TMEM243: variants seen among roughly 807,000 people sequenced by gnomAD.
The protein encoded by TMEM243 is MDR1 and mitochondrial taxol resistance associated.
TMEM243 carries 20 observed loss-of-function variants against 15.0 expected under a neutral mutation model. That is an observed-to-expected ratio of 1.33 (90% CI 0.94 to 1.93). The LOEUF (loss-of-function observed/expected upper bound fraction) is 1.93. Among genes scored for constraint, TMEM243 ranks in the 30% most tolerant of loss-of-function variants. The probability of loss-of-function intolerance (pLI) is 0.00; values close to 1 mark genes in which losing one functional copy is unlikely to be tolerated. For synonymous variants in TMEM243, 72 were observed against 52.7 expected (o/e 1.37, Z -1.59); for missense variants, 156 against 142.1 (o/e 1.10, Z -0.50).
At position 87,219,436 on chromosome 7, in the gene TMEM243, G is replaced by A. The variant is rs953760052; in HGVS notation, c.68C>T (p.Thr23Met). The stretch of plus-strand genomic sequence containing the variant: ...ACAATCCGCACTCACCTTGGCGGAC[G>A]TCTCCCCAAACAGAGGTCTGTTGTC... The part of the protein sequence containing the change: ...GLDNRPLFGE[T>M]SAKDRIINLV... The change falls in exon 1 of 4, where the codon ACG becomes ATG. Residue 23 changes from threonine to methionine, a missense_variant. Physicochemically the swap from Thr to Met is moderately conservative, Grantham distance 81. Coordinates refer to ENST00000257637, the MANE Select transcript of TMEM243 (RefSeq NM_024315.4). 6.8e-6 allele frequency: 11 copies of A among 1,614,074 alleles called. No homozygotes were observed. The highest frequency in any genetic ancestry group is 8.5e-6 in the Non-Finnish European group (10 of 1,180,012).
chr7:87,199,464 CTG>C (rs561056052), intron 1 of TMEM243: 178 of 165,708 alleles, frequency 1.1e-3, no homozygotes, highest in African/African-American at 4.2e-3. Context: ...CATGATGTGT[CTG>C]GAACTATATT....
At chr7:87,199,973 C>T (rs991619597) in intron 1 of TMEM243, among the ~76,000 whole-genome samples, 2 of 152,120 alleles carry the variant, frequency 1.3e-5, no homozygotes, top group African/African-American at 4.8e-5. Flanking sequence ...TGATAATGGT[C>T]TGAGCAGAGA....
chr7:87,196,799 A>G, intron 3 of TMEM243, 41 bp from the exon 4 acceptor site: 2 of 1,394,266 alleles, frequency 1.4e-6, no homozygotes, highest in South Asian at 1.3e-5. Flanking sequence ...AATTTGAAAT[A>G]TAACATTTTC....
chr7:87,215,430 T>C (rs1803035440), intron 1 of TMEM243, among the ~76,000 whole-genome samples: 2 of 152,188 alleles, frequency 1.3e-5, no homozygotes, highest in Non-Finnish European at 2.9e-5. Flanking sequence ...ATATTGATTA[T>C]ATGTTGAAAT....
chr7:87,197,211 T>C (rs1801360502), intron 3 of TMEM243, among the ~76,000 whole-genome samples: 1 of 152,114 alleles, frequency 6.6e-6, no homozygotes, highest in African/African-American at 2.4e-5. Flanking sequence ...CAAAGTGGGA[T>C]GGGCTAGTTC....
chr7:87,198,087 A>T, intron 2 of TMEM243, 42 bp from the exon 3 acceptor site: 1 of 1,526,304 alleles, frequency 6.6e-7, no homozygotes. Flanking sequence ...CAGTAATTCC[A>T]AGACTTGGTA....
chr7:87,219,296 G>A (rs1803321911), intron 1 of TMEM243, 130 bp downstream of exon 1: 3 of 802,620 alleles, frequency 3.7e-6, no homozygotes, highest in Admixed American at 4.5e-5. Flanking sequence ...AGAGGGAAGT[G>A]GGATTGCAGA....
intron 1 of TMEM243, 118 bp from the exon 2 acceptor site, chr7:87,199,175 G>A: frequency 1.4e-6 from 1 of 736,472 alleles, no homozygotes; most frequent in South Asian, 2.1e-5. Context: ...AGTCCTCTGA[G>A]CTTTACACAT....
rs541259988 is a variant in TMEM243 at position 87,199,192 on chromosome 7, A to G, written c.79-135T>C. On this transcript the variant is annotated intron_variant, in intron 1 of 3. Coordinates refer to ENST00000257637, the MANE Select transcript of TMEM243 (RefSeq NM_024315.4). The stretch of plus-strand genomic sequence containing the variant: ...TCCTCTGAGCTTTACACATAAAACT[A>G]CCAGACAAAGCAAAGTGTACTGAAC... The G allele has an allele frequency of 1.3e-4, 86 of 654,468 alleles. 1 individual carries two copies. Among genetic ancestry groups the G allele is most frequent in the South Asian group, 1.9e-4 (8 of 42,238 alleles). The allele number at this position is 654,468 out of a possible 1,614,324, so 40.5% of individuals were successfully genotyped here. A position where few individuals can be genotyped will look rare whatever the true frequency, so the allele number is the denominator to read the frequency against.
At position 87,197,992 on chromosome 7, in the gene TMEM243, A is replaced by G. The variant is rs751211020; in HGVS notation, c.183T>C (p.Asn61=). 2 of 1,612,890 alleles carry G rather than the reference A, an allele frequency of 1.2e-6. No homozygotes were observed. Among genetic ancestry groups the G allele is most frequent in the East Asian group, 2.2e-5 (1 of 44,800 alleles). The change falls in exon 3 of 4, where the codon AAT becomes AAC. Residue 61 remains asparagine (N), a synonymous_variant. Transcript: ENST00000257637. ...VFPQLPPKPL[N]IFFAVCISLS... ...AAGAGATGCAGACAGCAAAGAATAT[A>G]TTCAACGGTTTTGGAGGTAGTTGAG... is the stretch of plus-strand genomic sequence containing the variant.
intron 1 of TMEM243, chr7:87,202,895 C>G (rs1272792036): frequency 6.6e-6 from 1 of 152,192 alleles, no homozygotes; most frequent in Non-Finnish European, 1.5e-5. Flanking sequence ...TCTGAATCAC[C>G]AGACTGCACT....
At chr7:87,218,311 C>G (rs751071971) in intron 1 of TMEM243, among the ~76,000 whole-genome samples, 18 of 152,234 alleles carry the variant, frequency 1.2e-4, no homozygotes, top group Non-Finnish European at 2.6e-4. Flanking sequence ...CAAGGTGCAT[C>G]TTCCTGGAGA....
At chr7:87,219,801 C>A, upstream of TMEM243, 2 of 432,438 alleles carry the variant, frequency 4.6e-6, no homozygotes, top group Non-Finnish European at 8.3e-6. Flanking sequence ...CCCACTTCCT[C>A]AAATCTCAGC....
chr7:87,214,439 A>C (rs1402740306), intron 1 of TMEM243, among the ~76,000 whole-genome samples: 3 of 152,204 alleles, frequency 2.0e-5, no homozygotes, highest in Non-Finnish European at 4.4e-5. Context: ...AAGCAGAGGA[A>C]GGCGATTCAT....
chr7:87,219,565 C>A lies in TMEM243; in HGVS notation c.-62G>T. ...GCAAGACAGCATGACCTCCCGAGGT[C>A]TCAGGTCCACGACTGCAAGCCTCCT... On this transcript the variant is annotated 5_prime_UTR_variant, in exon 1 of 4. Coordinates refer to ENST00000257637, the MANE Select transcript of TMEM243 (RefSeq NM_024315.4). 6.8e-7 allele frequency: 1 copy of A among 1,469,798 alleles called. No homozygotes were observed. Among genetic ancestry groups the A allele is most frequent in the South Asian group, 1.2e-5 (1 of 86,758 alleles). The allele number at this position is 1,469,798 out of a possible 1,614,324, so 91.0% of individuals were successfully genotyped here.
At chr7:87,217,942 A>G (rs1298734238) in intron 1 of TMEM243, among the ~76,000 whole-genome samples, 1 of 152,262 alleles carries the variant, frequency 6.6e-6, no homozygotes, top group Non-Finnish European at 1.5e-5. Context: ...ATCTACCTCT[A>G]TAATTACAAG....
intron 1 of TMEM243, among the ~76,000 whole-genome samples, chr7:87,210,447 G>A (rs1381550098): frequency 2.0e-5 from 3 of 152,162 alleles, no homozygotes; most frequent in Non-Finnish European, 2.9e-5. Context: ...TTCCACCTAT[G>A]AGCCTGTAAA....
rs149445270 is a variant in TMEM243 at position 87,210,758 on chromosome 7, G to A, written c.78+8668C>T. 3.4e-3 allele frequency among the ~76,000 whole-genome samples: 519 copies of A among 152,338 alleles called. 8 individuals carry two copies. The highest frequency in any genetic ancestry group is 2.8e-3 in the Non-Finnish European group (189 of 68,022). ...AGCTGCTTTCACAGGCTGGCGCTGA[G>A]TGTCTGTGGCTTTTCCAGGCATACA... On this transcript the variant is annotated intron_variant, in intron 1 of 3. Coordinates refer to ENST00000257637, the MANE Select transcript of TMEM243 (RefSeq NM_024315.4).
At chr7:87,209,575 A>AAT (rs1362549123) in intron 1 of TMEM243, among the ~76,000 whole-genome samples, 58 of 150,870 alleles carry the variant, frequency 3.8e-4, no homozygotes, top group Admixed American at 2.0e-3. Flanking sequence ...AGAGAGAGAC[A>AAT]GTGAGAGAGA....
Sources: allele counts gnomAD v4.1 joint callset (sites outside exome capture counted in the v4.1 genomes callset), GRCh38; gene constraint gnomAD v4.1.1; transcripts MANE v1.5; gene names NCBI Gene and HGNC (gene_info 2026-07-23, HGNC 2026-07-21).